Variants in IQUB observed in about 807,000 individuals in gnomAD.
IQUB encodes the protein IQ motif and ubiquitin-like domain-containing protein.
IQUB carries 86 observed loss-of-function variants against 86.4 expected under a neutral mutation model. The ratio of observed to expected loss-of-function variants is 1.00; its 90% CI spans 0.84 to 1.19. The LOEUF (loss-of-function observed/expected upper bound fraction) is 1.19. IQUB is among the 50% of genes most tolerant of loss of function. IQUB has a pLI of 0.00. For synonymous variants in IQUB, 289 were observed against 304.5 expected, an observed-to-expected ratio of 0.95 and a Z score of 0.53; for missense variants, 946 against 916.9, an observed-to-expected ratio of 1.03 and a Z score of -0.41.
intron 8 of IQUB, among the ~76,000 whole-genome samples, chr7:123,471,011 A>G (rs1382601678): frequency 4.6e-5 from 7 of 152,184 alleles, no homozygotes; most frequent in Non-Finnish European, 1.0e-4. Flanking sequence ...TATATTCTCA[A>G]AGTAATGGCA....
intron 8 of IQUB, among the ~76,000 whole-genome samples, chr7:123,477,417 A>G (rs1002115135): frequency 6.6e-6 from 1 of 152,126 alleles, no homozygotes; most frequent in African/African-American, 2.4e-5. Flanking sequence ...TCCCTTCCTT[A>G]CACACCTTAT....
chr7:123,483,844 T>C (rs1360798005), intron 7 of IQUB, among the ~76,000 whole-genome samples: 2 of 152,146 alleles, frequency 1.3e-5, no homozygotes, highest in African/African-American at 2.4e-5. Context: ...TGCATTGTTA[T>C]ATTCCAGACA....
In IQUB at chr7:123,524,419, T is replaced by C. The variant is rs1414729017; in HGVS notation, c.-5+10073A>G. On this transcript the variant is annotated intron_variant, in intron 1 of 12. Coordinates refer to ENST00000324698, the MANE Select transcript of IQUB (RefSeq NM_178827.5). ...TAGTTTTCCTTGAAGAGGTCCTTCA[T>C]ATCCCTTGTAAGTTGGATTCCTAGG... Among the ~76,000 whole-genome samples the C allele has an allele frequency of 9.3e-3, 1,346 of 144,940 alleles. 4 individuals are homozygous for C. The highest frequency in any genetic ancestry group is 0.012 in the Non-Finnish European group (771 of 63,990).
rs1338727954 is a variant in IQUB at position 123,469,375 on chromosome 7, G to A, written c.1420C>T (p.Pro474Ser). 5.1e-6 allele frequency: 8 copies of A among 1,564,570 alleles called. No homozygotes were observed. The highest frequency in any genetic ancestry group is 1.4e-5 in the African/African-American group (1 of 72,960). Residue 474 changes from proline to serine, a missense_variant, in exon 9 of 13, where the codon CCA (proline) becomes TCA (serine). Coordinates refer to ENST00000324698, the MANE Select transcript of IQUB (RefSeq NM_178827.5). Reference protein sequence around the residue: ...IQAFLDKCSAPKIWRTPNGKT... With the variant: ...IQAFLDKCSASKIWRTPNGKT... ...CCATTAGGGGTTCTCCATATTTTTG[G>A]AGCTGAACACTTAAAAATAATATTA...
chr7:123,473,976 C>A (rs893191403), intron 8 of IQUB, among the ~76,000 whole-genome samples: 1 of 151,986 alleles, frequency 6.6e-6, no homozygotes, highest in African/African-American at 2.4e-5. Flanking sequence ...TAGAGTTAGC[C>A]TTTTATTAAG....
chr7:123,491,931 A>C (rs1262010040), intron 7 of IQUB, among the ~76,000 whole-genome samples: 2 of 152,212 alleles, frequency 1.3e-5, no homozygotes, highest in Admixed American at 1.3e-4. Flanking sequence ...TTGGCAAATC[A>C]AGTCTGACAA....
At chr7:123,462,322 A>G (rs543529570) in intron 10 of IQUB, among the ~76,000 whole-genome samples, 43 of 152,000 alleles carry the variant, frequency 2.8e-4, no homozygotes, top group South Asian at 1.0e-3. Context: ...AAATATTTTT[A>G]TAAAGAAGGA....
At chr7:123,487,640 T>A (rs1414190836) in intron 7 of IQUB, among the ~76,000 whole-genome samples, 1 of 152,234 alleles carries the variant, frequency 6.6e-6, no homozygotes, top group East Asian at 1.9e-4. Context: ...TTAATCTTTT[T>A]TAAAACACAA....
intron 8 of IQUB, among the ~76,000 whole-genome samples, chr7:123,475,168 C>A (rs184216274): frequency 6.6e-6 from 1 of 152,172 alleles, no homozygotes; most frequent in African/African-American, 2.4e-5. Context: ...CTCACTTTAC[C>A]TTATCTAGTT....
intron 1 of IQUB, among the ~76,000 whole-genome samples, chr7:123,514,253 T>A (rs1300528951): frequency 2.0e-5 from 3 of 152,054 alleles, no homozygotes; most frequent in African/African-American, 7.2e-5. Context: ...AACAATAGGC[T>A]AACTGAAAGA....
intron 7 of IQUB, among the ~76,000 whole-genome samples, chr7:123,483,673 A>G (rs1370818607): frequency 6.6e-6 from 1 of 152,048 alleles, no homozygotes; most frequent in Non-Finnish European, 1.5e-5. Flanking sequence ...AAATCCTTCC[A>G]CAGGAACAGA....
At chr7:123,503,606 ATAT>A (rs1355821119) in intron 3 of IQUB, among the ~76,000 whole-genome samples, 1 of 151,986 alleles carries the variant, frequency 6.6e-6, no homozygotes, top group Non-Finnish European at 1.5e-5. Context: ...AATATGTAAT[ATAT>A]TATTATTAAC....
intron 8 of IQUB, among the ~76,000 whole-genome samples, chr7:123,472,778 G>A (rs1794588896): frequency 6.6e-6 from 1 of 152,144 alleles, no homozygotes; most frequent in Non-Finnish European, 1.5e-5. Context: ...TGATTTCAGG[G>A]CTTAAGGTGT....
At chr7:123,479,689 C>A in intron 8 of IQUB, 106 bp downstream of exon 8, 1 of 820,678 alleles carries the variant, frequency 1.2e-6, no homozygotes, top group Non-Finnish European at 1.9e-6. Context: ...AAATCCTAAA[C>A]AAAATTCATG....
In IQUB at chr7:123,503,053, A is replaced by G. The variant is rs747106225; in HGVS notation, c.758T>C (p.Leu253Pro). The G allele has an allele frequency of 4.3e-6, 7 of 1,613,442 alleles. No homozygotes were observed. Among genetic ancestry groups the G allele is most frequent in the Non-Finnish European group, 2.5e-6 (3 of 1,179,730 alleles). The change falls in exon 5 of 13, where the codon CTT becomes CCT. Residue 253 changes from leucine to proline, a missense_variant. Leu to Pro is a moderately conservative substitution (Grantham distance 98). Coordinates refer to ENST00000324698, the MANE Select transcript of IQUB (RefSeq NM_178827.5). Reference protein sequence around the residue: ...IVKSDFHKPFLGGFRHKVTGV... With the variant: ...IVKSDFHKPFPGGFRHKVTGV... ...TGTTACTTTATGTCTGAATCCACCA[A>G]GAAATGGTTTGTGAAAGTCAGATTT...
chr7:123,530,455 AAAC>A (rs1457035206), intron 1 of IQUB, among the ~76,000 whole-genome samples: 1 of 152,186 alleles, frequency 6.6e-6, no homozygotes, highest in East Asian at 1.9e-4. Context: ...ACCAAAAACA[AAAC>A]AACAACAAAC....
At chr7:123,457,639 TAATTA>T (rs1409149572) in intron 11 of IQUB, 73 bp from the exon 12 acceptor site, 14 of 1,090,086 alleles carry the variant, frequency 1.3e-5, no homozygotes, top group African/African-American at 6.6e-5. Context: ...CTTGAGCAAA[TAATTA>T]AATTATAGAG....
At chr7:123,482,636 T>G (rs1276890741) in intron 7 of IQUB, among the ~76,000 whole-genome samples, 1 of 152,034 alleles carries the variant, frequency 6.6e-6, no homozygotes, top group Non-Finnish European at 1.5e-5. Context: ...CAACCAAAAT[T>G]TCAGCAAGGG....
intron 3 of IQUB, among the ~76,000 whole-genome samples, chr7:123,504,863 T>C (rs1796106992): frequency 6.6e-6 from 1 of 152,152 alleles, no homozygotes; most frequent in Non-Finnish European, 1.5e-5. Flanking sequence ...TATTAACTCA[T>C]TTCAGCAATA....
Sources: allele counts gnomAD v4.1 joint callset (sites outside exome capture counted in the v4.1 genomes callset), GRCh38; gene constraint gnomAD v4.1.1; transcripts MANE v1.5; gene names NCBI Gene and HGNC (gene_info 2026-07-23, HGNC 2026-07-21).